The following EIF4G3 variants were observed in gnomAD, a reference collection of about 807,000 sequenced individuals.
The protein encoded by EIF4G3 is eIF-4-gamma 3.
A neutral mutation model predicts 186.4 loss-of-function variants in EIF4G3; 34 were observed. That is an observed-to-expected ratio of 0.18 (90% CI 0.14 to 0.24). The LOEUF (loss-of-function observed/expected upper bound fraction) is 0.24. EIF4G3 is among the 10% of genes least tolerant of loss of function. The pLI is 1.00. For missense variants in EIF4G3, 1,536 were observed against 1,948.5 expected (o/e 0.79, Z 3.99); for synonymous variants, 673 against 679.5 (o/e 0.99, Z 0.15).
chr1:21,173,271 A>G (rs936371202), intron 2 of EIF4G3, among the ~76,000 whole-genome samples: 6 of 149,724 alleles, frequency 4.0e-5, no homozygotes, highest in Non-Finnish European at 7.4e-5. Context: ...GTCTCGGCTC[A>G]TTGCAACTTC....
At chr1:20,905,049 T>C in intron 14 of EIF4G3, 78 bp from the exon 15 acceptor site, 1 of 1,063,018 alleles carries the variant, frequency 9.4e-7, no homozygotes, top group Admixed American at 2.1e-5. Context: ...GATACCTATA[T>C]TCAAATTAAG....
At chr1:21,135,886 A>C (rs1158342209) in intron 2 of EIF4G3, among the ~76,000 whole-genome samples, 1 of 152,240 alleles carries the variant, frequency 6.6e-6, no homozygotes, top group Admixed American at 6.5e-5. Flanking sequence ...TTATGAAAGC[A>C]GAAACAAAGA....
intron 17 of EIF4G3, among the ~76,000 whole-genome samples, 153 bp from the exon 18 acceptor site, chr1:20,893,789 T>C (rs1228508442): frequency 6.6e-6 from 1 of 151,308 alleles, no homozygotes; most frequent in East Asian, 1.9e-4. Flanking sequence ...CATGGCAGCT[T>C]CTCCTGGGCT....
intron 4 of EIF4G3, among the ~76,000 whole-genome samples, chr1:21,015,639 G>C (rs1015140616): frequency 6.6e-6 from 1 of 151,240 alleles, no homozygotes; most frequent in African/African-American, 2.4e-5. Context: ...AAAGAATTTC[G>C]AGAGCAGCAA....
chr1:20,871,148 A>T (rs2079091782), intron 20 of EIF4G3, among the ~76,000 whole-genome samples: 1 of 152,248 alleles, frequency 6.6e-6, no homozygotes, highest in South Asian at 2.1e-4. Flanking sequence ...ATCACTGCAA[A>T]GTTACAAAAG....
chr1:21,033,811 C>T (rs147413209), intron 4 of EIF4G3, among the ~76,000 whole-genome samples: 30 of 152,228 alleles, frequency 2.0e-4, no homozygotes, highest in Middle Eastern at 3.4e-3. Context: ...AAAAAGGCCA[C>T]GCGTGATAGC....
intron 2 of EIF4G3, among the ~76,000 whole-genome samples, chr1:21,099,182 T>C (rs368215946): frequency 3.3e-5 from 5 of 152,200 alleles, no homozygotes; most frequent in South Asian, 2.1e-4. Context: ...CAAAATGGTA[T>C]AGTCACTTTG....
intron 2 of EIF4G3, among the ~76,000 whole-genome samples, chr1:21,151,236 C>CTTTTTTTTTTTTCTTTTTT: frequency 1.2e-5 from 1 of 80,410 alleles, no homozygotes; most frequent in Non-Finnish European, 2.2e-5. Flanking sequence ...GTATTTCTTT[C>CTTTTTTTTTTTTCTTTTTT]TTTTTTTTTT....
At chr1:20,837,792 TG>T (rs2067203025) in intron 30 of EIF4G3, among the ~76,000 whole-genome samples, 1 of 152,116 alleles carries the variant, frequency 6.6e-6, no homozygotes, top group Non-Finnish European at 1.5e-5. Context: ...CTGATCTGCT[TG>T]CAAGAAAGCT....
At chr1:20,967,790 C>T (rs1006869623) in intron 12 of EIF4G3, among the ~76,000 whole-genome samples, 1 of 152,136 alleles carries the variant, frequency 6.6e-6, no homozygotes, top group Non-Finnish European at 1.5e-5. Context: ...AAAATGAAGT[C>T]AATAGTCTAT....
intron 14 of EIF4G3, among the ~76,000 whole-genome samples, chr1:20,916,337 C>T (rs745569220): frequency 6.6e-6 from 1 of 151,842 alleles, no homozygotes; most frequent in Non-Finnish European, 1.5e-5. Flanking sequence ...GTCCCAGCTA[C>T]TCGGGAGGCT....
intron 4 of EIF4G3, among the ~76,000 whole-genome samples, chr1:21,034,809 G>A (rs6426659): frequency 0.37 from 56,329 of 152,012 alleles, 11,076 homozygotes; most frequent in Non-Finnish European, 0.43. Flanking sequence ...ACCGGAGATC[G>A]TGTCCCCAGG....
intron 19 of EIF4G3, among the ~76,000 whole-genome samples, chr1:20,882,777 T>C (rs1244093622): frequency 3.3e-5 from 5 of 150,460 alleles, no homozygotes; most frequent in African/African-American, 4.9e-5. Flanking sequence ...GCCTGGGCAA[T>C]AGATTTAAGA....
chr1:21,065,567 G>A (rs2095199074), intron 3 of EIF4G3, among the ~76,000 whole-genome samples: 1 of 151,614 alleles, frequency 6.6e-6, no homozygotes, highest in Non-Finnish European at 1.5e-5. Context: ...AAACAGTGGT[G>A]GGGCGGCGGG....
intron 14 of EIF4G3, among the ~76,000 whole-genome samples, chr1:20,937,662 C>G (rs1284545206): frequency 6.6e-6 from 1 of 152,090 alleles, no homozygotes; most frequent in Non-Finnish European, 1.5e-5. Flanking sequence ...AGTCACAATT[C>G]TTTTAAAAAG....
At chr1:21,116,104 G>A (rs921817479) in intron 2 of EIF4G3, among the ~76,000 whole-genome samples, 2 of 151,996 alleles carry the variant, frequency 1.3e-5, no homozygotes, top group South Asian at 2.1e-4. Flanking sequence ...AAGAGCAATC[G>A]TCTAATAATA....
chr1:20,999,800 TCG>T (rs1408412032), intron 6 of EIF4G3: 1 of 417,258 alleles, frequency 2.4e-6, no homozygotes. Context: ...CAAACTGTAG[TCG>T]CTGCTGGCTC....
intron 7 of EIF4G3, among the ~76,000 whole-genome samples, chr1:20,984,790 G>A (rs972344077): frequency 7.3e-5 from 11 of 151,316 alleles, no homozygotes; most frequent in African/African-American, 1.5e-4. Context: ...GGGTTTCACC[G>A]TGTTAGCCAA....
intron 2 of EIF4G3, among the ~76,000 whole-genome samples, chr1:21,134,396 T>G (rs1055457487): frequency 6.6e-6 from 1 of 152,020 alleles, no homozygotes; most frequent in Non-Finnish European, 1.5e-5. Context: ...TGGCCAGGTG[T>G]GGTGGCTCAC....
Sources: allele counts gnomAD v4.1 joint callset (sites outside exome capture counted in the v4.1 genomes callset), GRCh38; gene constraint gnomAD v4.1.1; transcripts MANE v1.5; gene names NCBI Gene and HGNC (gene_info 2026-07-23, HGNC 2026-07-21).